AGBL4: variants seen among roughly 807,000 people sequenced by gnomAD.
AGBL4 encodes the protein AGBL carboxypeptidase 4, also known as cytosolic carboxypeptidase 6.
Under a neutral mutation model 66.4 loss-of-function variants are expected in AGBL4, and 58 were observed. The observed-to-expected ratio is 0.87, with a 90% CI of 0.71 to 1.09. The LOEUF (loss-of-function observed/expected upper bound fraction) is 1.09. Ranked by LOEUF, AGBL4 falls within the 50% of genes least tolerant of loss-of-function variation. The pLI, the probability that AGBL4 is intolerant of heterozygous loss-of-function variation, is 0.00. For missense variants in AGBL4, 579 were observed against 631.0 expected (o/e 0.92, Z 0.88); for synonymous variants, 234 against 222.9 (o/e 1.05, Z -0.44).
At chr1:49,073,270 G>A (rs114069763) in intron 4 of AGBL4, among the ~76,000 whole-genome samples, 6,779 of 152,068 alleles carry the variant, frequency 0.045, 179 homozygotes, top group East Asian at 0.074. Flanking sequence ...CTCATTCTTC[G>A]TACAGTTTTG....
At chr1:49,178,223 CATATT>C (rs1194147233) in intron 4 of AGBL4, among the ~76,000 whole-genome samples, 4 of 152,110 alleles carry the variant, frequency 2.6e-5, no homozygotes, top group Admixed American at 2.6e-4. Flanking sequence ...CAATATAATG[CATATT>C]ATAATAAATG....
At chr1:49,883,036 C>G (rs1391892747) in intron 1 of AGBL4, among the ~76,000 whole-genome samples, 1 of 152,104 alleles carries the variant, frequency 6.6e-6, no homozygotes, top group Non-Finnish European at 1.5e-5. Context: ...TTAATAAACA[C>G]TGTTTTTTTC....
intron 4 of AGBL4, among the ~76,000 whole-genome samples, chr1:49,233,121 C>T (rs1650454600): frequency 6.6e-6 from 1 of 152,134 alleles, no homozygotes; most frequent in African/African-American, 2.4e-5. Flanking sequence ...TTTCTTTCAT[C>T]ATCACAAATC....
At chr1:49,357,336 T>C (rs1356712190) in intron 3 of AGBL4, among the ~76,000 whole-genome samples, 1 of 152,120 alleles carries the variant, frequency 6.6e-6, no homozygotes, top group East Asian at 1.9e-4. Flanking sequence ...ACTTCCTCAG[T>C]CTCTGTACAT....
At chr1:48,743,505 A>T (rs1389268274) in intron 6 of AGBL4, among the ~76,000 whole-genome samples, 1 of 152,230 alleles carries the variant, frequency 6.6e-6, no homozygotes, top group Non-Finnish European at 1.5e-5. Context: ...GAGAAACAGG[A>T]TGAAAATGGG....
chr1:49,398,494 A>G (rs1195224227), intron 3 of AGBL4, among the ~76,000 whole-genome samples: 5 of 152,096 alleles, frequency 3.3e-5, no homozygotes, highest in African/African-American at 1.2e-4. Flanking sequence ...TCTAGCTTGT[A>G]GACAGCACAT....
At chr1:49,564,931 T>C (rs1363754075) in intron 3 of AGBL4, among the ~76,000 whole-genome samples, 1 of 152,226 alleles carries the variant, frequency 6.6e-6, no homozygotes, top group Non-Finnish European at 1.5e-5. Context: ...ATTATTATTG[T>C]GTGGGAGTCT....
intron 4 of AGBL4, among the ~76,000 whole-genome samples, chr1:49,102,805 T>C (rs1645227860): frequency 6.6e-6 from 1 of 152,194 alleles, no homozygotes; most frequent in South Asian, 2.1e-4. Context: ...GCATTGGTGT[T>C]TGAACTTGGG....
At chr1:49,730,470 C>T (rs527943311) in intron 2 of AGBL4, among the ~76,000 whole-genome samples, 22 of 152,126 alleles carry the variant, frequency 1.4e-4, no homozygotes, top group Non-Finnish European at 2.8e-4. Context: ...CCCATTCACC[C>T]AGCTGCCAGT....
chr1:49,757,599 G>A (rs952053880), intron 2 of AGBL4, among the ~76,000 whole-genome samples: 2 of 152,166 alleles, frequency 1.3e-5, no homozygotes, highest in Non-Finnish European at 1.5e-5. Flanking sequence ...TCCAGGTTGA[G>A]GTGGTCTCAG....
intron 4 of AGBL4, among the ~76,000 whole-genome samples, chr1:49,171,193 C>G (rs557140932): frequency 3.3e-5 from 5 of 152,248 alleles, no homozygotes; most frequent in Admixed American, 3.3e-4. Flanking sequence ...ATTCCCTAAC[C>G]GATTGCTTTT....
At chr1:48,886,915 A>G (rs1558067344) in intron 5 of AGBL4, among the ~76,000 whole-genome samples, 1 of 152,098 alleles carries the variant, frequency 6.6e-6, no homozygotes, top group African/African-American at 2.4e-5. Context: ...CCTGATTCCC[A>G]AGACATTCAG....
chr1:48,653,488 A>G (rs1368456269), intron 7 of AGBL4, 37 bp from the exon 8 acceptor site: 9 of 1,422,752 alleles, frequency 6.3e-6, no homozygotes, highest in Non-Finnish European at 8.7e-6. Context: ...ACAACAAAGC[A>G]TTTCAAGAAG....
chr1:49,176,270 T>C (rs1036958330), intron 4 of AGBL4, among the ~76,000 whole-genome samples: 4 of 152,168 alleles, frequency 2.6e-5, no homozygotes, highest in Non-Finnish European at 5.9e-5. Flanking sequence ...ATTCAAGGTC[T>C]TAGTCTCAAG....
At chr1:49,074,443 T>C (rs1325864008) in intron 4 of AGBL4, among the ~76,000 whole-genome samples, 3 of 152,098 alleles carry the variant, frequency 2.0e-5, no homozygotes, top group African/African-American at 7.2e-5. Context: ...GTACCTCAGT[T>C]GGAAATGCAG....
At chr1:49,819,741 A>G (rs1343900699) in intron 2 of AGBL4, among the ~76,000 whole-genome samples, 2 of 152,110 alleles carry the variant, frequency 1.3e-5, no homozygotes, top group African/African-American at 4.8e-5. Context: ...GCTCTTTGAG[A>G]TCTCTTACCT....
chr1:49,954,945 T>C (rs761124621), intron 1 of AGBL4, among the ~76,000 whole-genome samples: 12 of 151,962 alleles, frequency 7.9e-5, no homozygotes, highest in Non-Finnish European at 1.5e-4. Context: ...ATATTCAAAC[T>C]AATATTATTT....
intron 6 of AGBL4, among the ~76,000 whole-genome samples, chr1:48,738,944 C>T (rs1424175027): frequency 6.6e-6 from 1 of 152,172 alleles, no homozygotes; most frequent in African/African-American, 2.4e-5. Flanking sequence ...TTCAGAGGGA[C>T]TATGTAACTT....
chr1:49,821,591 T>G (rs1645372006), intron 2 of AGBL4, among the ~76,000 whole-genome samples: 1 of 152,204 alleles, frequency 6.6e-6, no homozygotes, highest in Non-Finnish European at 1.5e-5. Context: ...TTTATGACAG[T>G]AGTTATTTCC....
Sources: allele counts gnomAD v4.1 joint callset (sites outside exome capture counted in the v4.1 genomes callset), GRCh38; gene constraint gnomAD v4.1.1; transcripts MANE v1.5; gene names NCBI Gene and HGNC (gene_info 2026-07-23, HGNC 2026-07-21).